Variants in C13orf42 observed in about 807,000 individuals in gnomAD.
The protein encoded by C13orf42 is chromosome 13 open reading frame 42, also known as uncharacterized protein C13orf42.
At chr13:51,103,307 G>C (rs1953312474) in intron 1 of C13orf42, among the ~76,000 whole-genome samples, 2 of 152,216 alleles carry the variant, frequency 1.3e-5, no homozygotes, top group South Asian at 4.2e-4. Flanking sequence ...CCTCAGGGAG[G>C]ACCCCAAATG....
At chr13:51,139,602 C>T (rs7333415) in intron 1 of C13orf42, among the ~76,000 whole-genome samples, 18,863 of 152,046 alleles carry the variant, frequency 0.12, 1,282 homozygotes, top group African/African-American at 0.16. Flanking sequence ...ATAAAACAGT[C>T]TGCAGCAAAG....
At chr13:51,116,852 C>G (rs548867709) in intron 1 of C13orf42, among the ~76,000 whole-genome samples, 1 of 152,212 alleles carries the variant, frequency 6.6e-6, no homozygotes, top group Non-Finnish European at 1.5e-5. Context: ...AATGGGGAGC[C>G]TCTCCCTCTC....
intron 3 of C13orf42, 111 bp downstream of exon 3, chr13:51,085,207 AT>A: frequency 4.0e-6 from 1 of 252,762 alleles, no homozygotes; most frequent in Non-Finnish European, 7.2e-6. Flanking sequence ...ATATATATAT[AT>A]ATGAATAATA....
At chr13:51,171,754 C>G (rs867783306) in intron 1 of C13orf42, among the ~76,000 whole-genome samples, 1 of 151,754 alleles carries the variant, frequency 6.6e-6, no homozygotes, top group East Asian at 1.9e-4. Context: ...TTTTTCTTTA[C>G]CCCAAATCAG....
chr13:51,129,734 T>C (rs1413825234), intron 1 of C13orf42, among the ~76,000 whole-genome samples: 4 of 152,234 alleles, frequency 2.6e-5, no homozygotes, highest in African/African-American at 9.6e-5. Flanking sequence ...TAAGCTGTAG[T>C]GAATCTGGTG....
chr13:51,098,926 G>A (rs1211233563), intron 1 of C13orf42, among the ~76,000 whole-genome samples: 1 of 151,944 alleles, frequency 6.6e-6, no homozygotes, highest in Non-Finnish European at 1.5e-5. Context: ...TCATACCTAG[G>A]TATCTGAATG....
chr13:51,132,489 A>T (rs1487742805), intron 1 of C13orf42, among the ~76,000 whole-genome samples: 2 of 152,200 alleles, frequency 1.3e-5, no homozygotes, highest in East Asian at 3.9e-4. Context: ...TTAAACACTT[A>T]TTCATCTTCT....
intron 1 of C13orf42, among the ~76,000 whole-genome samples, chr13:51,119,571 C>A (rs2138012474): frequency 6.6e-6 from 1 of 152,268 alleles, no homozygotes; most frequent in South Asian, 2.1e-4. Flanking sequence ...AGCACCCAGC[C>A]TTAAAAGGGA....
chr13:51,153,634 T>TTTTTTG, intron 1 of C13orf42, among the ~76,000 whole-genome samples: 1 of 127,832 alleles, frequency 7.8e-6, no homozygotes, highest in South Asian at 3.0e-4. Context: ...TTTTTTCTTT[T>TTTTTTG]TTTTTTTTTT....
At chr13:51,139,083 G>A (rs1216210711) in intron 1 of C13orf42, among the ~76,000 whole-genome samples, 2 of 152,108 alleles carry the variant, frequency 1.3e-5, no homozygotes, top group Non-Finnish European at 1.5e-5. Context: ...TTGGGAAGCC[G>A]AGGTGGGTGG....
upstream of C13orf42, among the ~76,000 whole-genome samples, chr13:51,114,639 GAT>G (rs1316364296): frequency 3.9e-3 from 393 of 100,648 alleles, 2 homozygotes; most frequent in African/African-American, 0.01. Context: ...TAGATAGATA[GAT>G]AGATAGAGAT....
At chr13:51,113,682 C>T (rs1487297446), upstream of C13orf42, among the ~76,000 whole-genome samples, 5 of 152,106 alleles carry the variant, frequency 3.3e-5, no homozygotes, top group Admixed American at 6.6e-5. Context: ...CCTCCTGCCT[C>T]GGCCTCCAAA....
At chr13:51,115,820 G>C (rs1393509276), upstream of C13orf42, among the ~76,000 whole-genome samples, 1 of 152,258 alleles carries the variant, frequency 6.6e-6, no homozygotes, top group African/African-American at 2.4e-5. Context: ...CATTTGCACA[G>C]TGTATTGGAA....
chr13:51,104,778 A>T (rs1953333487), intron 1 of C13orf42, among the ~76,000 whole-genome samples: 1 of 151,728 alleles, frequency 6.6e-6, no homozygotes, highest in Non-Finnish European at 1.5e-5. Context: ...TTATATTAAA[A>T]AAAAAAAAAA....
chr13:51,150,543 C>T (rs375092913), intron 1 of C13orf42, among the ~76,000 whole-genome samples: 2 of 152,270 alleles, frequency 1.3e-5, no homozygotes, highest in East Asian at 1.9e-4. Context: ...ATAAATTCTG[C>T]GTAAATTATA....
chr13:51,093,157 C>T (rs532268755), intron 1 of C13orf42, among the ~76,000 whole-genome samples: 1 of 152,260 alleles, frequency 6.6e-6, no homozygotes, highest in South Asian at 2.1e-4. Flanking sequence ...AAACAAGGTC[C>T]ACATTTAGTT....
intron 1 of C13orf42, among the ~76,000 whole-genome samples, chr13:51,167,087 A>C (rs1953908320): frequency 6.6e-6 from 1 of 151,922 alleles, no homozygotes; most frequent in Non-Finnish European, 1.5e-5. Flanking sequence ...TCAAAAAAAA[A>C]ACAAAAAACC....
intron 1 of C13orf42, among the ~76,000 whole-genome samples, chr13:51,167,726 T>C (rs1365549217): frequency 6.6e-6 from 1 of 152,224 alleles, no homozygotes; most frequent in African/African-American, 2.4e-5. Context: ...TTTAATCTTC[T>C]GGGTGGGTGT....
intron 1 of C13orf42, among the ~76,000 whole-genome samples, chr13:51,168,038 T>C (rs1026372932): frequency 6.6e-6 from 1 of 152,222 alleles, no homozygotes; most frequent in East Asian, 1.9e-4. Context: ...TCAGTGGCTA[T>C]ACAACACAGC....
Sources: allele counts gnomAD v4.1 joint callset (sites outside exome capture counted in the v4.1 genomes callset), GRCh38; gene constraint gnomAD v4.1.1; transcripts MANE v1.5; gene names NCBI Gene and HGNC (gene_info 2026-07-23, HGNC 2026-07-21).